PACRG: variants seen among roughly 807,000 people sequenced by gnomAD.
PACRG encodes the protein parkin coregulated gene protein.
A neutral mutation model predicts 29.7 loss-of-function variants in PACRG; 29 were observed. That is an observed-to-expected ratio of 0.98 (90% CI 0.73 to 1.33). PACRG has a LOEUF of 1.33. Ranked by LOEUF, PACRG falls within the 40% of genes most tolerant of loss-of-function variation. The probability of loss-of-function intolerance (pLI) is 0.00; values close to 1 mark genes in which losing one functional copy is unlikely to be tolerated. For synonymous variants in PACRG, 116 were observed against 118.7 expected, an observed-to-expected ratio of 0.98 and a Z score of 0.15; for missense variants, 279 against 316.2, an observed-to-expected ratio of 0.88 and a Z score of 0.89.
chr6:162,859,321 T>C (rs1351392338), intron 2 of PACRG, among the ~76,000 whole-genome samples: 1 of 152,250 alleles, frequency 6.6e-6, no homozygotes, highest in Non-Finnish European at 1.5e-5. Context: ...TTTAAATGTC[T>C]ACTAGAATGA....
intron 4 of PACRG, among the ~76,000 whole-genome samples, chr6:163,208,281 C>CT (rs386409211): frequency 6.6e-6 from 1 of 151,824 alleles, no homozygotes; most frequent in African/African-American, 2.4e-5. Context: ...CTTTTCTTTT[C>CT]TTTTTTCTCT....
chr6:162,970,338 G>A (rs940035464), intron 2 of PACRG, among the ~76,000 whole-genome samples: 6 of 152,132 alleles, frequency 3.9e-5, no homozygotes, highest in Non-Finnish European at 2.9e-5. Flanking sequence ...GGAGCGCATC[G>A]ATTTCGGAGC....
At chr6:163,310,570 A>T (rs529117884) in intron 4 of PACRG, 1 of 152,308 alleles carries the variant, frequency 6.6e-6, no homozygotes, top group East Asian at 1.9e-4. Context: ...ACGCGTCAGC[A>T]CACGTCCCGG....
chr6:163,054,246 C>T (rs376851491), intron 2 of PACRG: 11 of 152,256 alleles, frequency 7.2e-5, no homozygotes, highest in South Asian at 4.2e-4. Context: ...AATGGTGGGG[C>T]CTTAACCCAG....
chr6:162,971,204 C>T (rs9356085), intron 2 of PACRG, among the ~76,000 whole-genome samples: 84,452 of 152,038 alleles, frequency 0.56, 23,881 homozygotes, highest in Middle Eastern at 0.72. Flanking sequence ...AATCAGACAA[C>T]GAGTCAAAGG....
chr6:162,878,559 T>A lies in PACRG; in HGVS notation c.291+64278T>A, dbSNP rs891728258. 4.6e-5 allele frequency among the ~76,000 whole-genome samples: 7 copies of A among 152,194 alleles called. No individual in the cohort carries two copies. The South Asian group carries it at 6.2e-4, about 14-fold the overall frequency. On this transcript the variant is annotated intron_variant, in intron 2 of 4. Coordinates refer to ENST00000366888, the MANE Select transcript of PACRG (RefSeq NM_001080379.2). ...TGTTACTTGGATTCAAAGAGTGACA[T>A]CAGCAAGATGGCCAACTAGAGCCAC...
At chr6:162,962,028 A>G (rs754998552) in intron 2 of PACRG, among the ~76,000 whole-genome samples, 2 of 151,872 alleles carry the variant, frequency 1.3e-5, no homozygotes, top group Non-Finnish European at 2.9e-5. Flanking sequence ...TCCTCCTTGA[A>G]TTTCCTTTTT....
Position 163,080,342 on chromosome 6 carries a change from G to C in PACRG, c.464-8917G>C, listed in dbSNP as rs531542526. On this transcript the variant is annotated intron_variant, in intron 3 of 4. Coordinates refer to ENST00000366888, the MANE Select transcript of PACRG (RefSeq NM_001080379.2). The stretch of plus-strand genomic sequence containing the variant: ...AACTGAGACACAATTTAGGTACAGA[G>C]GAGCAAGGAGCTCCAAAGACACGAA... Among the ~76,000 whole-genome samples the C allele has an allele frequency of 9.1e-4, 138 of 152,228 alleles. 1 individual carries two copies. The highest frequency in any genetic ancestry group is 3.1e-3 in the African/African-American group (127 of 41,500).
At chr6:162,935,623 G>A (rs1437864743) in intron 2 of PACRG, among the ~76,000 whole-genome samples, 5 of 151,144 alleles carry the variant, frequency 3.3e-5, no homozygotes, top group African/African-American at 1.2e-4. Context: ...TATTTCTTCT[G>A]TAACCTGTTG....
intron 4 of PACRG, among the ~76,000 whole-genome samples, chr6:163,182,016 C>G (rs771597605): frequency 6.6e-6 from 1 of 152,244 alleles, no homozygotes; most frequent in Non-Finnish European, 1.5e-5. Context: ...AGCGTTACCT[C>G]TCTTAGGTAG....
intron 1 of PACRG, among the ~76,000 whole-genome samples, chr6:162,761,791 G>A (rs1350835313): frequency 1.3e-5 from 2 of 151,912 alleles, no homozygotes; most frequent in Non-Finnish European, 2.9e-5. Context: ...GCAAAAATCA[G>A]CTGGGCATGG....
At chr6:162,832,523 T>G (rs1788869933) in intron 2 of PACRG, among the ~76,000 whole-genome samples, 1 of 152,194 alleles carries the variant, frequency 6.6e-6, no homozygotes, top group Admixed American at 6.5e-5. Flanking sequence ...TTTAAAATGG[T>G]TTTGATGTTT....
At chr6:163,204,427 G>A (rs1164099577) in intron 4 of PACRG, among the ~76,000 whole-genome samples, 1 of 152,108 alleles carries the variant, frequency 6.6e-6, no homozygotes, top group Non-Finnish European at 1.5e-5. Flanking sequence ...TTTTCTGTGT[G>A]TTTTTATATG....
chr6:163,116,703 T>A (rs1816012609), intron 4 of PACRG, among the ~76,000 whole-genome samples: 1 of 152,158 alleles, frequency 6.6e-6, no homozygotes, highest in African/African-American at 2.4e-5. Flanking sequence ...CTCAAGGGTT[T>A]GCACCAGGAT....
chr6:163,309,303 C>T (rs1785314926), intron 4 of PACRG, among the ~76,000 whole-genome samples: 1 of 152,222 alleles, frequency 6.6e-6, no homozygotes, highest in Admixed American at 6.5e-5. Flanking sequence ...ATTTCAGAGC[C>T]TTGGTTTTAT....
intron 2 of PACRG, among the ~76,000 whole-genome samples, chr6:163,007,458 G>A (rs1362238171): frequency 1.3e-5 from 2 of 152,002 alleles, no homozygotes; most frequent in Non-Finnish European, 1.5e-5. Context: ...AGATTGGCTG[G>A]TTATAAATTC....
At chr6:163,304,849 G>C (rs12214722) in intron 4 of PACRG, among the ~76,000 whole-genome samples, 23,178 of 152,174 alleles carry the variant, frequency 0.15, 2,011 homozygotes, top group African/African-American at 0.23. Flanking sequence ...CAGACGACTG[G>C]GGTTTTGAAT....
intron 2 of PACRG, among the ~76,000 whole-genome samples, chr6:163,035,828 A>AAAAC (rs932720010): frequency 2.0e-5 from 3 of 151,292 alleles, no homozygotes; most frequent in African/African-American, 7.3e-5. Context: ...AAAAAAAAAA[A>AAAAC]AAAAAACAAA....
At chr6:162,729,091 G>GA (rs1216302461) in intron 1 of PACRG, among the ~76,000 whole-genome samples, 1 of 152,010 alleles carries the variant, frequency 6.6e-6, no homozygotes, top group Non-Finnish European at 1.5e-5. Flanking sequence ...TATCATTAGA[G>GA]AAAAAAGATT....
Sources: allele counts gnomAD v4.1 joint callset (sites outside exome capture counted in the v4.1 genomes callset), GRCh38; gene constraint gnomAD v4.1.1; transcripts MANE v1.5; gene names NCBI Gene and HGNC (gene_info 2026-07-23, HGNC 2026-07-21).